FRMD4A: variants seen among roughly 807,000 people sequenced by gnomAD.
The protein encoded by FRMD4A is FERM domain-containing protein 4A.
FRMD4A carries 29 observed loss-of-function variants against 129.1 expected under a neutral mutation model. That is an observed-to-expected ratio of 0.22 (90% confidence interval 0.17 to 0.31). FRMD4A has a LOEUF of 0.31. FRMD4A is among the 10% of genes least tolerant of loss of function. The probability of loss-of-function intolerance (pLI) is 1.00; values close to 1 mark genes in which losing one functional copy is unlikely to be tolerated. For missense variants in FRMD4A, 1,272 were observed against 1,375.8 expected, an observed-to-expected ratio of 0.92 and a Z score of 1.19; for synonymous variants, 634 against 571.6, an observed-to-expected ratio of 1.11 and a Z score of -1.56.
intron 2 of FRMD4A, among the ~76,000 whole-genome samples, chr10:13,922,161 C>T (rs561814663): frequency 6.6e-6 from 1 of 152,318 alleles, no homozygotes; most frequent in Non-Finnish European, 1.5e-5. Flanking sequence ...CTTGGACTTC[C>T]AGCCTGCAGC....
At chr10:13,851,003 T>G (rs951923778) in intron 3 of FRMD4A, among the ~76,000 whole-genome samples, 4 of 152,046 alleles carry the variant, frequency 2.6e-5, no homozygotes, top group Admixed American at 6.5e-5. Context: ...TCACCTGAGA[T>G]CAGGAGTTTC....
intron 2 of FRMD4A, among the ~76,000 whole-genome samples, chr10:13,968,734 G>A (rs1471711514): frequency 2.6e-5 from 4 of 152,302 alleles, no homozygotes; most frequent in South Asian, 2.1e-4. Flanking sequence ...GATTACAGGC[G>A]TGAGCCACTG....
At chr10:13,744,684 G>A (rs368648518) in intron 9 of FRMD4A, 2 of 152,182 alleles carry the variant, frequency 1.3e-5, no homozygotes, top group Non-Finnish European at 1.5e-5. Flanking sequence ...GAAAGCCCCC[G>A]AAGAATGGTG....
intron 4 of FRMD4A, among the ~76,000 whole-genome samples, chr10:13,809,763 GGGT>G (rs1300274548): frequency 6.6e-6 from 1 of 152,208 alleles, no homozygotes; most frequent in Non-Finnish European, 1.5e-5. Flanking sequence ...CTGATTTACA[GGGT>G]GACCAGATGG....
intron 2 of FRMD4A, among the ~76,000 whole-genome samples, chr10:14,138,300 C>G (rs932199057): frequency 2.0e-5 from 3 of 152,172 alleles, no homozygotes; most frequent in Non-Finnish European, 2.9e-5. Flanking sequence ...GCAGCTGAGT[C>G]CTACTGGGTC....
chr10:13,773,562 T>C, intron 6 of FRMD4A, among the ~76,000 whole-genome samples: 1 of 152,260 alleles, frequency 6.6e-6, no homozygotes, highest in East Asian at 1.9e-4. Flanking sequence ...TGGGAGCTGG[T>C]GATTTCTTGA....
At chr10:13,713,837 T>A (rs368201355) in intron 12 of FRMD4A, among the ~76,000 whole-genome samples, 1 of 7,342 alleles carries the variant, frequency 1.4e-4, no homozygotes, top group Non-Finnish European at 2.0e-4. Flanking sequence ...TACATATATG[T>A]AATATATATA....
intron 2 of FRMD4A, among the ~76,000 whole-genome samples, chr10:14,127,927 T>A (rs951234308): frequency 3.8e-4 from 2 of 5,274 alleles, no homozygotes; most frequent in Non-Finnish European, 6.8e-4. Flanking sequence ...TCTTTCTTTC[T>A]TTCTTTCTTT....
intron 3 of FRMD4A, among the ~76,000 whole-genome samples, chr10:13,816,912 G>T (rs2093553749): frequency 6.6e-6 from 1 of 152,210 alleles, no homozygotes; most frequent in Non-Finnish European, 1.5e-5. Context: ...CCTCTTGTGG[G>T]CCATCAGCCG....
chr10:14,118,114 A>G (rs1838296735), intron 2 of FRMD4A, among the ~76,000 whole-genome samples: 1 of 152,192 alleles, frequency 6.6e-6, no homozygotes, highest in South Asian at 2.1e-4. Context: ...GAAATTGCCA[A>G]AGAATTTAAA....
At chr10:14,286,242 C>T (rs530452019) in intron 2 of FRMD4A, among the ~76,000 whole-genome samples, 59 of 152,322 alleles carry the variant, frequency 3.9e-4, no homozygotes, top group Admixed American at 3.7e-3. Context: ...CCTCTCAACA[C>T]TGAGAAACTC....
At chr10:14,303,060 A>T (rs1449475773) in intron 2 of FRMD4A, among the ~76,000 whole-genome samples, 1 of 152,226 alleles carries the variant, frequency 6.6e-6, no homozygotes, top group Non-Finnish European at 1.5e-5. Context: ...CTTGCCCTAT[A>T]GCAGCAGATC....
At chr10:14,100,311 G>A (rs1443825364) in intron 2 of FRMD4A, among the ~76,000 whole-genome samples, 1 of 152,112 alleles carries the variant, frequency 6.6e-6, no homozygotes, top group Non-Finnish European at 1.5e-5. Context: ...ATATTCGATG[G>A]CAGCCAGAGC....
intron 2 of FRMD4A, among the ~76,000 whole-genome samples, chr10:14,131,436 CT>C (rs1398532356): frequency 6.7e-6 from 1 of 148,500 alleles, no homozygotes; most frequent in Non-Finnish European, 1.5e-5. Flanking sequence ...TGCTGAGTCA[CT>C]TTGGTTCAAT....
At chr10:14,091,778 G>A (rs1836675895) in intron 2 of FRMD4A, among the ~76,000 whole-genome samples, 1 of 152,158 alleles carries the variant, frequency 6.6e-6, no homozygotes, top group Non-Finnish European at 1.5e-5. Context: ...TCTGCCTCAG[G>A]GAAATGAGGA....
intron 6 of FRMD4A, among the ~76,000 whole-genome samples, chr10:13,769,926 A>C (rs1182855623): frequency 1.3e-5 from 2 of 152,090 alleles, no homozygotes; most frequent in South Asian, 2.1e-4. Flanking sequence ...GACTGACACC[A>C]CTGGCTTTCC....
chr10:14,086,575 A>C (rs1242854431), intron 2 of FRMD4A, among the ~76,000 whole-genome samples: 1 of 152,244 alleles, frequency 6.6e-6, no homozygotes, highest in Non-Finnish European at 1.5e-5. Context: ...TCTCCAGTGC[A>C]AAAGGTAACG....
rs1388683574 is a variant in FRMD4A, at chr10:13,659,405, G to T, written c.1984C>A (p.Leu662Ile). 1 of 1,614,044 alleles carries T rather than the reference G, an allele frequency of 6.2e-7. No homozygotes were observed. The highest frequency in any genetic ancestry group is 8.5e-7 in the Non-Finnish European group (1 of 1,179,932). The change falls in exon 21 of 25, where the codon CTC becomes ATC. Residue 662 changes from leucine (L) to isoleucine (I), a missense_variant. Transcript: ENST00000357447. ...NSLQNSPIRG[L>I]PHWNSQSSMP... ...CTGGACTGGGAGTTCCAGTGCGGGA[G>T]GCCGCGGATGGGGCTGTTCTGCAAG...
chr10:13,751,825 A>G (rs1238323354), intron 8 of FRMD4A, among the ~76,000 whole-genome samples: 2 of 152,186 alleles, frequency 1.3e-5, no homozygotes, highest in African/African-American at 2.4e-5. Context: ...AGCCTGGGCA[A>G]CATAGCAAGA....
Sources: gnomAD v4.1 joint callset for allele counts (sites outside exome capture counted in the v4.1 genomes callset) on GRCh38, gnomAD v4.1.1 for gene constraint, MANE v1.5 for transcripts, NCBI Gene and HGNC (gene_info 2026-07-23, HGNC 2026-07-21) for gene names.